TSPAN15: variants seen among roughly 807,000 people sequenced by gnomAD.
TSPAN15 encodes tetraspanin 15.
TSPAN15 carries 20 observed loss-of-function variants against 34.5 expected under a neutral mutation model. That is an observed-to-expected ratio of 0.58 (90% CI 0.41 to 0.84). TSPAN15 has a LOEUF of 0.84. Among genes scored for constraint, TSPAN15 ranks in the 40% least tolerant of loss-of-function variants. The pLI is 0.00. For missense variants in TSPAN15, 313 were observed against 386.1 expected (o/e 0.81, Z 1.59); for synonymous variants, 155 against 153.9 (o/e 1.01, Z -0.05).
intron 1 of TSPAN15, among the ~76,000 whole-genome samples, chr10:69,456,588 A>T (rs78750112): frequency 1.4e-3 from 210 of 152,290 alleles, no homozygotes; most frequent in African/African-American, 4.5e-3. Flanking sequence ...GTTTAAAATA[A>T]GTACAGTACA....
the TSPAN15 span, among the ~76,000 whole-genome samples, chr10:69,512,983 T>C: frequency 6.6e-6 from 1 of 152,218 alleles, no homozygotes; most frequent in Admixed American, 6.5e-5. Context: ...TATGTAACTA[T>C]ATGTTTAACT....
chr10:69,530,779 A>ACTCTCTCTCT, the TSPAN15 span, among the ~76,000 whole-genome samples: 20 of 50,004 alleles, frequency 4.0e-4, no homozygotes, highest in Non-Finnish European at 3.9e-4. Flanking sequence ...ACAGAGTGAG[A>ACTCTCTCTCT]CTCTCTCTCT....
At chr10:69,543,565 T>G in the TSPAN15 span, among the ~76,000 whole-genome samples, 31,847 of 151,840 alleles carry the variant, frequency 0.21, 3,691 homozygotes, top group East Asian at 0.31. Context: ...TGGGCACACT[T>G]GTAGGTGGGG....
At position 69,498,345 on chromosome 10, in the gene TSPAN15, C is replaced by T. The variant is rs1842131069; in HGVS notation, c.519C>T (p.Ala173=). 6.2e-7 allele frequency: 1 copy of T among 1,613,842 alleles called. No individual in the cohort carries two copies. Among genetic ancestry groups the T allele is most frequent in the Admixed American group, 1.7e-5 (1 of 60,000 alleles). The change falls in exon 5 of 8, where the codon GCC becomes GCT. Residue 173 remains alanine, a synonymous_variant. Transcript: ENST00000373290. ...AGAATCAGTACCACGACTGCAGTGC[C>T]CCTGGACCCCTGGCCTGTGGGGTGC... ...WSKNQYHDCS[A]PGPLACGVPY...
At chr10:69,461,920 C>A (rs1841268114) in intron 1 of TSPAN15, among the ~76,000 whole-genome samples, 1 of 145,358 alleles carries the variant, frequency 6.9e-6, no homozygotes, top group African/African-American at 2.5e-5. Context: ...CACCCCCCCG[C>A]CACCACCCCC....
chr10:69,462,221 G>T (rs1180511357), intron 1 of TSPAN15, among the ~76,000 whole-genome samples: 1 of 121,510 alleles, frequency 8.2e-6, no homozygotes, highest in East Asian at 2.7e-4. Context: ...GCCTAGTCTT[G>T]AACTCCTGGG....
chr10:69,546,706 C>A, the TSPAN15 span, among the ~76,000 whole-genome samples: 1 of 152,140 alleles, frequency 6.6e-6, no homozygotes, highest in African/African-American at 2.4e-5. Context: ...CTCTCCTGCA[C>A]CTCCCCTCTC....
At chr10:69,535,817 G>T in the TSPAN15 span, among the ~76,000 whole-genome samples, 87 of 152,356 alleles carry the variant, frequency 5.7e-4, 1 homozygote, top group African/African-American at 1.9e-3. Flanking sequence ...GAGACTTGGA[G>T]GATATGTGGC....
At chr10:69,547,662 A>G in the TSPAN15 span, among the ~76,000 whole-genome samples, 1 of 152,222 alleles carries the variant, frequency 6.6e-6, no homozygotes, top group Non-Finnish European at 1.5e-5. Context: ...AAAGTGACAG[A>G]AAACCAATTC....
intron 3 of TSPAN15, among the ~76,000 whole-genome samples, chr10:69,485,821 G>A (rs1324310242): frequency 1.3e-5 from 2 of 152,174 alleles, no homozygotes; most frequent in African/African-American, 4.8e-5. Flanking sequence ...GTACCAAGGT[G>A]GAGGCAGTGG....
chr10:69,468,208 G>T (rs1423272071), intron 1 of TSPAN15, among the ~76,000 whole-genome samples: 1 of 151,726 alleles, frequency 6.6e-6, no homozygotes, highest in Non-Finnish European at 1.5e-5. Context: ...ATCACCAGGT[G>T]CACACACTGG....
At chr10:69,456,371 G>A (rs1841110409) in intron 1 of TSPAN15, among the ~76,000 whole-genome samples, 1 of 152,178 alleles carries the variant, frequency 6.6e-6, no homozygotes, top group African/African-American at 2.4e-5. Context: ...ACAGGCGTGA[G>A]TCACTGTGTC....
At chr10:69,466,625 C>T (rs1841390572) in intron 1 of TSPAN15, among the ~76,000 whole-genome samples, 1 of 152,062 alleles carries the variant, frequency 6.6e-6, no homozygotes, top group South Asian at 2.1e-4. Context: ...GCCAACCTGA[C>T]CACGTGGAGA....
intron 1 of TSPAN15, among the ~76,000 whole-genome samples, chr10:69,461,425 T>C (rs1388652935): frequency 1.3e-5 from 2 of 152,194 alleles, no homozygotes; most frequent in Admixed American, 6.5e-5. Flanking sequence ...TTTTTCCCTC[T>C]TCAGAGCCCT....
the TSPAN15 span, among the ~76,000 whole-genome samples, chr10:69,541,050 C>T: frequency 2.3e-4 from 35 of 152,152 alleles, no homozygotes; most frequent in Non-Finnish European, 4.7e-4. Context: ...GTGAATTTTC[C>T]TCAGGATGTG....
At chr10:69,472,379 T>C (rs1841525265) in intron 1 of TSPAN15, among the ~76,000 whole-genome samples, 1 of 152,178 alleles carries the variant, frequency 6.6e-6, no homozygotes, top group South Asian at 2.1e-4. Flanking sequence ...GCCTTTCTGA[T>C]TTAGTGTCTC....
chr10:69,524,806 G>T, the TSPAN15 span, among the ~76,000 whole-genome samples: 1 of 141,468 alleles, frequency 7.1e-6, no homozygotes, highest in African/African-American at 2.6e-5. Flanking sequence ...TTGAGACGAA[G>T]TCTCGCTCTT....
chr10:69,516,626 A>G, the TSPAN15 span, among the ~76,000 whole-genome samples: 2 of 152,172 alleles, frequency 1.3e-5, no homozygotes, highest in Non-Finnish European at 2.9e-5. Context: ...TGAGGAGGAC[A>G]TGGGATCATG....
chr10:69,538,039 G>A, the TSPAN15 span, among the ~76,000 whole-genome samples: 1 of 152,334 alleles, frequency 6.6e-6, no homozygotes, highest in South Asian at 2.1e-4. Flanking sequence ...TCATGTGGTA[G>A]AGAGGAAGCC....
Sources: gnomAD v4.1 joint callset for allele counts (sites outside exome capture counted in the v4.1 genomes callset) on GRCh38, gnomAD v4.1.1 for gene constraint, MANE v1.5 for transcripts, NCBI Gene and HGNC (gene_info 2026-07-23, HGNC 2026-07-21) for gene names.